ADAMTS3: variants seen among roughly 807,000 people sequenced by gnomAD.
ADAMTS3 encodes ADAM metallopeptidase with thrombospondin type 1 motif 3.
ADAMTS3 carries 73 observed loss-of-function variants against 129.0 expected under a neutral mutation model. That is an observed-to-expected ratio of 0.57 (90% CI 0.47 to 0.69). ADAMTS3 has a LOEUF of 0.69. Among genes scored for constraint, ADAMTS3 ranks in the 30% least tolerant of loss-of-function variants. The pLI, the probability that ADAMTS3 is intolerant of heterozygous loss-of-function variation, is 0.00. For missense variants in ADAMTS3, 1,457 were observed against 1,514.5 expected, an observed-to-expected ratio of 0.96 and a Z score of 0.63; for synonymous variants, 477 against 510.8, an observed-to-expected ratio of 0.93 and a Z score of 0.89.
At chr4:72,410,322 T>C (rs1722155539) in intron 4 of ADAMTS3, among the ~76,000 whole-genome samples, 1 of 152,114 alleles carries the variant, frequency 6.6e-6, no homozygotes, top group African/African-American at 2.4e-5. Context: ...GTTTCCCACC[T>C]GGGACAAAAA....
At chr4:72,453,763 G>A (rs959281441) in intron 3 of ADAMTS3, among the ~76,000 whole-genome samples, 2 of 151,456 alleles carry the variant, frequency 1.3e-5, no homozygotes, top group African/African-American at 2.4e-5. Flanking sequence ...GGATAAAAAA[G>A]TAGGCCTAAA....
intron 3 of ADAMTS3, among the ~76,000 whole-genome samples, chr4:72,524,540 TATTATTATTA>T (rs1319968156): frequency 1.1e-4 from 17 of 151,998 alleles, no homozygotes; most frequent in Middle Eastern, 3.2e-3. Flanking sequence ...CATGCTTTAT[TATTATTATTA>T]ATTATTATTA....
chr4:72,295,613 G>T (rs777410055), intron 19 of ADAMTS3, 41 bp downstream of exon 19: 1 of 1,579,802 alleles, frequency 6.3e-7, no homozygotes, highest in South Asian at 1.2e-5. Flanking sequence ...GTGAAGTCCT[G>T]ATTTTGACCT....
chr4:72,385,855 A>AT (rs1721432686), intron 4 of ADAMTS3, among the ~76,000 whole-genome samples: 1 of 152,112 alleles, frequency 6.6e-6, no homozygotes, highest in African/African-American at 2.4e-5. Context: ...TCTAAAATAA[A>AT]AGTTGGGGAA....
At chr4:72,346,422 T>C (rs1230903907) in intron 4 of ADAMTS3, among the ~76,000 whole-genome samples, 1 of 152,154 alleles carries the variant, frequency 6.6e-6, no homozygotes, top group African/African-American at 2.4e-5. Flanking sequence ...TAATTTCTTC[T>C]ATTATAATTT....
In ADAMTS3 at chr4:72,312,380, T is replaced by C. The variant is rs1156887744; in HGVS notation, c.1832A>G (p.Asp611Gly). 4.3e-6 allele frequency: 7 copies of C among 1,613,648 alleles called. No individual in the cohort carries two copies. The highest frequency in any genetic ancestry group is 5.9e-6 in the Non-Finnish European group (7 of 1,179,792). Residue 611 changes from aspartate to glycine, a missense_variant, in exon 13 of 22, where the codon GAC becomes GGC. Transcript: ENST00000286657. ...CTGCTGACACTGCTGTGCTCTGAAGTCCTCAAAGTGTTTTTGGCATTCTTC... is the reference window on the plus strand; with the variant it reads ...CTGCTGACACTGCTGTGCTCTGAAGCCCTCAAAGTGTTTTTGGCATTCTTC... Reference protein sequence around the residue: ...NTEECQKHFEDFRAQQCQQRN... With the variant: ...NTEECQKHFEGFRAQQCQQRN...
At chr4:72,445,402 C>T (rs1214466639) in intron 3 of ADAMTS3, among the ~76,000 whole-genome samples, 1 of 151,668 alleles carries the variant, frequency 6.6e-6, no homozygotes, top group East Asian at 2.0e-4. Context: ...ACCTCAGCCA[C>T]CAATATGTTC....
intron 3 of ADAMTS3, among the ~76,000 whole-genome samples, chr4:72,432,655 T>C (rs1393809947): frequency 6.6e-6 from 1 of 151,990 alleles, no homozygotes; most frequent in Admixed American, 6.6e-5. Context: ...AGAGAACTAA[T>C]GAAAATGACA....
intron 6 of ADAMTS3, among the ~76,000 whole-genome samples, chr4:72,321,923 A>G (rs1719566285): frequency 6.6e-6 from 1 of 152,142 alleles, no homozygotes; most frequent in African/African-American, 2.4e-5. Context: ...AAAGGGCCCA[A>G]CCTTCAAGAA....
chr4:72,323,099 T>C lies in ADAMTS3; in HGVS notation c.862-2A>G, dbSNP rs375437729. ...CTCATCATGGTAAATTTCATTCACCTAGCAACAAAAAAAGATAATTGCTAA... is the reference window on the plus strand; with the variant it reads ...CTCATCATGGTAAATTTCATTCACCCAGCAACAAAAAAAGATAATTGCTAA... On this transcript the variant is annotated splice_acceptor_variant, in intron 5 of 21. Transcript: ENST00000286657. LOFTEE classifies it high-confidence loss of function. The C allele has an allele frequency of 1.2e-6, 2 of 1,609,846 alleles. No individual in the cohort carries two copies. Among genetic ancestry groups the C allele is most frequent in the Non-Finnish European group, 1.7e-6 (2 of 1,176,512 alleles).
intron 3 of ADAMTS3, among the ~76,000 whole-genome samples, chr4:72,528,129 G>A (rs1277811959): frequency 6.6e-6 from 1 of 152,018 alleles, no homozygotes; most frequent in Non-Finnish European, 1.5e-5. Context: ...TGACTGAAAA[G>A]TCAGTACATA....
chr4:72,508,219 C>T (rs1396677941), intron 3 of ADAMTS3, among the ~76,000 whole-genome samples: 1 of 152,146 alleles, frequency 6.6e-6, no homozygotes, highest in Non-Finnish European at 1.5e-5. Flanking sequence ...CTATAAATTA[C>T]AGCTAACAGT....
Position 72,385,129 on chromosome 4 carries a change from G to A in ADAMTS3, c.661+29686C>T, listed in dbSNP as rs184317572. ...TGGGAGGTGGAGCTTGCAGTGAGCC[G>A]AGATCCTGCCACTGCACTCCAGCCT... is the stretch of plus-strand genomic sequence containing the variant. On this transcript the variant is annotated intron_variant, in intron 4 of 21. Transcript: ENST00000286657. 2.5e-3 allele frequency among the ~76,000 whole-genome samples: 379 copies of A among 151,730 alleles called. 2 individuals are homozygous for A. The highest frequency in any genetic ancestry group is 8.6e-3 in the African/African-American group (355 of 41,354).
At chr4:72,405,466 T>C (rs1722028088) in intron 4 of ADAMTS3, among the ~76,000 whole-genome samples, 1 of 152,130 alleles carries the variant, frequency 6.6e-6, no homozygotes, top group Non-Finnish European at 1.5e-5. Context: ...AAAACAGATT[T>C]GTAAGCTAGG....
intron 10 of ADAMTS3, among the ~76,000 whole-genome samples, chr4:72,316,864 C>A (rs1719412169): frequency 6.6e-6 from 1 of 152,012 alleles, no homozygotes; most frequent in Non-Finnish European, 1.5e-5. Context: ...TCATACCAAT[C>A]CATTGCTGAG....
chr4:72,527,546 A>C (rs1478335633), intron 3 of ADAMTS3, among the ~76,000 whole-genome samples: 1 of 152,184 alleles, frequency 6.6e-6, no homozygotes, highest in African/African-American at 2.4e-5. Flanking sequence ...GCCAAGTTCT[A>C]TCTAGATGTC....
chr4:72,530,311 T>A (rs1432210205), intron 3 of ADAMTS3, among the ~76,000 whole-genome samples: 2 of 84,174 alleles, frequency 2.4e-5, no homozygotes, highest in Non-Finnish European at 4.1e-5. Context: ...TATAATTATA[T>A]ATTAAATTCA....
At chr4:72,375,031 C>A (rs1274503773) in intron 4 of ADAMTS3, among the ~76,000 whole-genome samples, 1 of 152,160 alleles carries the variant, frequency 6.6e-6, no homozygotes, top group Non-Finnish European at 1.5e-5. Flanking sequence ...ATAATCTTAG[C>A]TGCTAGCCTT....
intron 4 of ADAMTS3, among the ~76,000 whole-genome samples, chr4:72,398,366 G>T (rs1303989797): frequency 6.6e-6 from 1 of 152,012 alleles, no homozygotes; most frequent in East Asian, 1.9e-4. Context: ...AGACCAGCCT[G>T]GCCAACATGG....
Sources: gnomAD v4.1 joint callset for allele counts (sites outside exome capture counted in the v4.1 genomes callset) on GRCh38, gnomAD v4.1.1 for gene constraint, MANE v1.5 for transcripts, NCBI Gene and HGNC (gene_info 2026-07-23, HGNC 2026-07-21) for gene names.